The following INPP5B variants were observed in gnomAD, a reference collection of about 807,000 sequenced individuals.
The protein encoded by INPP5B is inositol polyphosphate-5-phosphatase B, also known as type II inositol 1,4,5-trisphosphate 5-phosphatase.
In INPP5B, 90 loss-of-function variants were observed where a neutral mutation model predicts 118.5. That is an observed-to-expected ratio of 0.76 (90% CI 0.64 to 0.90). The LOEUF is 0.90. Among genes scored for constraint, INPP5B ranks in the 40% least tolerant of loss-of-function variants. The probability of loss-of-function intolerance (pLI) is 0.00; values close to 1 mark genes in which losing one functional copy is unlikely to be tolerated. For synonymous variants in INPP5B, 385 were observed against 418.9 expected, an observed-to-expected ratio of 0.92 and a Z score of 0.99; for missense variants, 984 against 1,125.6, an observed-to-expected ratio of 0.87 and a Z score of 1.80.
chr1:37,912,949 T>TAAAAAAAA (rs35906062), intron 7 of INPP5B, among the ~76,000 whole-genome samples: 1 of 143,526 alleles, frequency 7.0e-6, no homozygotes. Flanking sequence ...TACTCACTGC[T>TAAAAAAAA]AAAAAAAAAA....
In INPP5B at chr1:37,862,161, C is replaced by A. The variant is rs1181802540; in HGVS notation, c.*154G>T. ...CGACTCACAGCGCTGAGTGTGCTAA[C>A]CAATGGTGGGCTTAATTGGGGTACT... is the stretch of plus-strand genomic sequence containing the variant. On this transcript the variant is annotated 3_prime_UTR_variant, in exon 24 of 24. Coordinates refer to ENST00000373024, the MANE Select transcript of INPP5B (RefSeq NM_005540.3). The A allele has an allele frequency of 4.9e-6, 3 of 610,722 alleles. No homozygotes were observed. In the African/African-American group the frequency reaches 5.5e-5, roughly 11 times the overall value. The allele number at this position is 610,722 out of a possible 1,614,324, so 37.8% of individuals were successfully genotyped here. A position where few individuals can be genotyped will look rare whatever the true frequency, so the allele number is the denominator to read the frequency against.
chr1:37,866,602 C>T, intron 20 of INPP5B, 59 bp from the exon 21 acceptor site: 15 of 1,018,878 alleles, frequency 1.5e-5, no homozygotes, highest in Non-Finnish European at 2.0e-5. Context: ...TCAATGATTT[C>T]CTGACCTGGC....
At chr1:37,865,695 C>A (rs1424138885) in intron 22 of INPP5B, 66 bp downstream of exon 22, 2 of 1,559,608 alleles carry the variant, frequency 1.3e-6, no homozygotes, top group Non-Finnish European at 1.8e-6. Context: ...GGAACTGTGT[C>A]CACTCTGTTC....
chr1:37,896,437 C>G (rs1284057161), intron 7 of INPP5B, among the ~76,000 whole-genome samples: 2 of 113,454 alleles, frequency 1.8e-5, no homozygotes, highest in Admixed American at 1.7e-4. Context: ...GGTCAGCCCC[C>G]CGCCCGGCCA....
intron 8 of INPP5B, among the ~76,000 whole-genome samples, chr1:37,890,731 G>A (rs1643793655): frequency 1.3e-5 from 2 of 152,134 alleles, no homozygotes; most frequent in Admixed American, 6.5e-5. Context: ...ACATTTTCAA[G>A]GGAGGGCTAG....
intron 15 of INPP5B, among the ~76,000 whole-genome samples, chr1:37,879,711 T>C (rs933381485): frequency 3.9e-5 from 6 of 152,128 alleles, no homozygotes; most frequent in Admixed American, 1.3e-4. Context: ...TGGGCCAAGA[T>C]CCAGCCATTG....
At chr1:37,902,692 G>A (rs545594765) in intron 7 of INPP5B, among the ~76,000 whole-genome samples, 61 of 152,152 alleles carry the variant, frequency 4.0e-4, no homozygotes, top group African/African-American at 1.3e-3. Context: ...TGAGTATCTG[G>A]GATTACAGGC....
At chr1:37,901,182 G>A (rs1644319713) in intron 7 of INPP5B, among the ~76,000 whole-genome samples, 1 of 152,156 alleles carries the variant, frequency 6.6e-6, no homozygotes, top group Non-Finnish European at 1.5e-5. Context: ...TGCGAGGCAG[G>A]GACTTGGTCT....
chr1:37,919,444 A>G (rs916575916), intron 7 of INPP5B, among the ~76,000 whole-genome samples: 1 of 152,030 alleles, frequency 6.6e-6, no homozygotes, highest in African/African-American at 2.4e-5. Context: ...AGTAGGTTCA[A>G]TGTTTGCCAG....
chr1:37,934,995 C>G (rs1241263680), intron 6 of INPP5B, among the ~76,000 whole-genome samples: 2 of 150,820 alleles, frequency 1.3e-5, no homozygotes, highest in Non-Finnish European at 3.0e-5. Context: ...GTCAGGAGAT[C>G]GAGACCATCC....
chr1:37,866,562 TA>T lies in INPP5B; in HGVS notation c.2302-20del. 1 of 1,434,214 alleles carries T rather than the reference TA, an allele frequency of 7.0e-7. No homozygotes were observed. The highest frequency in any genetic ancestry group is 9.8e-7 in the Non-Finnish European group (1 of 1,016,276). 88.8% of individuals were successfully genotyped at this position (1,434,214 alleles called of 1,614,324 possible). ...GATCTTCCTGCAAAAGGGAAGACAG[TA>T]ACAAAATAATTATTTTCTCAGAAAA... is the stretch of plus-strand genomic sequence containing the variant. On this transcript the variant is annotated intron_variant, in intron 20 of 23. Transcript: ENST00000373024.
intron 7 of INPP5B, among the ~76,000 whole-genome samples, chr1:37,910,828 G>T (rs1290331979): frequency 1.3e-5 from 2 of 152,072 alleles, no homozygotes; most frequent in Non-Finnish European, 2.9e-5. Flanking sequence ...TCCACCCTGT[G>T]GTGCCAAAGC....
chr1:37,940,562 C>T (rs556037371), intron 6 of INPP5B, 126 bp downstream of exon 6: 85 of 626,460 alleles, frequency 1.4e-4, no homozygotes, highest in African/African-American at 1.3e-3. Context: ...TATGGCTTTA[C>T]ACCAGCAGCT....
intron 17 of INPP5B, among the ~76,000 whole-genome samples, chr1:37,875,174 A>T (rs780386569): frequency 2.6e-5 from 4 of 152,208 alleles, no homozygotes; most frequent in Non-Finnish European, 5.9e-5. Context: ...GCAGTCTATC[A>T]AGAAAGACCA....
intron 19 of INPP5B, 111 bp downstream of exon 19, chr1:37,872,819 T>C (rs1642539854): frequency 1.3e-6 from 1 of 771,148 alleles, no homozygotes; most frequent in Admixed American, 2.4e-5. Context: ...AAGCAAGCTC[T>C]AGGAAGCTGA....
intron 7 of INPP5B, among the ~76,000 whole-genome samples, chr1:37,926,211 CT>C (rs1462559785): frequency 2.6e-5 from 4 of 152,176 alleles, no homozygotes; most frequent in Non-Finnish European, 5.9e-5. Flanking sequence ...GCATGACAGA[CT>C]TTAATACTTT....
intron 7 of INPP5B, among the ~76,000 whole-genome samples, chr1:37,896,246 C>G (rs1433598229): frequency 2.7e-5 from 4 of 149,508 alleles, no homozygotes; most frequent in African/African-American, 9.9e-5. Context: ...GCAACCGCCC[C>G]GTCTGAGAAG....
chr1:37,932,683 T>C (rs1010209809), intron 6 of INPP5B, among the ~76,000 whole-genome samples: 3 of 152,122 alleles, frequency 2.0e-5, no homozygotes, highest in Non-Finnish European at 4.4e-5. Context: ...CCCCATTTTA[T>C]ATACAAGGCA....
chr1:37,862,964 G>T (rs2148436503), intron 23 of INPP5B, among the ~76,000 whole-genome samples: 1 of 152,352 alleles, frequency 6.6e-6, no homozygotes. Context: ...GGGGGAGGCA[G>T]CCCTGCTTGG....
Sources: gnomAD v4.1 joint callset for allele counts (sites outside exome capture counted in the v4.1 genomes callset) on GRCh38, gnomAD v4.1.1 for gene constraint, MANE v1.5 for transcripts, NCBI Gene and HGNC (gene_info 2026-07-23, HGNC 2026-07-21) for gene names.